Variants in IFNAR2 observed in about 807,000 individuals in gnomAD.
IFNAR2 encodes interferon alpha/beta receptor 2.
A neutral mutation model predicts 49.4 loss-of-function variants in IFNAR2; 30 were observed. That is an observed-to-expected ratio of 0.61 (90% CI 0.45 to 0.82). The LOEUF is 0.82. IFNAR2 is among the 40% of genes least tolerant of loss of function. The pLI, the probability that IFNAR2 is intolerant of heterozygous loss-of-function variation, is 0.00. For synonymous variants in IFNAR2, 224 were observed against 234.5 expected (o/e 0.96, Z 0.41); for missense variants, 600 against 622.7 (o/e 0.96, Z 0.39).
chr21:33,237,013 A>G (rs1986511314), intron 1 of IFNAR2: 1 of 422,828 alleles, frequency 2.4e-6, no homozygotes, highest in Non-Finnish European at 3.2e-6. Flanking sequence ...TATGGTTCCA[A>G]GTGAAGTATA....
At chr21:33,244,910 T>G (rs1479876911) in intron 3 of IFNAR2, 41 bp from the exon 4 acceptor site, 1 of 1,607,542 alleles carries the variant, frequency 6.2e-7, no homozygotes, top group Admixed American at 1.7e-5. Context: ...AATACAACTG[T>G]GGGTTCCAAA....
intron 6 of IFNAR2, chr21:33,252,313 C>T (rs1043687628): frequency 1.8e-6 from 1 of 547,424 alleles, no homozygotes; most frequent in Middle Eastern, 3.3e-4. Context: ...GGCACTTTCT[C>T]AAGTGTAAAG....
Position 33,245,096 on chromosome 21 carries a change from C to G in IFNAR2, c.221+22C>G, listed in dbSNP as rs758690328. 4 of 1,556,352 alleles carry G rather than the reference C, an allele frequency of 2.6e-6. No individual in the cohort carries two copies. The South Asian group carries it at 4.5e-5, about 17-fold the overall frequency. On this transcript the variant is annotated intron_variant, in intron 4 of 8. Coordinates refer to ENST00000342136, the MANE Select transcript of IFNAR2 (RefSeq NM_001289125.3). ...TGAGGTTGGTTTGATATTTCATTTTCTCTTGGTAAACATATTATTGTTCTG... is the reference window on the plus strand; with the variant it reads ...TGAGGTTGGTTTGATATTTCATTTTGTCTTGGTAAACATATTATTGTTCTG...
At chr21:33,232,654 T>TAAAAA (rs200638049) in intron 1 of IFNAR2, among the ~76,000 whole-genome samples, 1 of 144,400 alleles carries the variant, frequency 6.9e-6, no homozygotes, top group Admixed American at 6.9e-5. Context: ...CAGTCCTTGT[T>TAAAAA]AAAAAAAAAA....
intron 4 of IFNAR2, among the ~76,000 whole-genome samples, chr21:33,246,312 C>T (rs536484746): frequency 8.0e-4 from 122 of 152,224 alleles, no homozygotes; most frequent in South Asian, 1.9e-3. Context: ...CCTCGTGATC[C>T]GCCCGCCTTG....
chr21:33,235,770 C>CA (rs1449291816), intron 1 of IFNAR2, among the ~76,000 whole-genome samples: 2 of 151,932 alleles, frequency 1.3e-5, no homozygotes, highest in East Asian at 3.9e-4. Context: ...ACTAAAAATA[C>CA]AAAAAATTAG....
intron 1 of IFNAR2, among the ~76,000 whole-genome samples, chr21:33,233,813 GTATT>G (rs1986236469): frequency 1.3e-5 from 2 of 152,030 alleles, no homozygotes; most frequent in African/African-American, 2.4e-5. Flanking sequence ...GACTTGGTGA[GTATT>G]TATTCTATTT....
At chr21:33,238,021 A>T (rs1170847954) in intron 1 of IFNAR2, among the ~76,000 whole-genome samples, 1 of 152,146 alleles carries the variant, frequency 6.6e-6, no homozygotes, top group Non-Finnish European at 1.5e-5. Context: ...GCCTTTCTTT[A>T]TGGCCCAGGA....
intron 2 of IFNAR2, among the ~76,000 whole-genome samples, chr21:33,242,570 A>C (rs569711846): frequency 2.0e-5 from 3 of 151,302 alleles, no homozygotes; most frequent in Admixed American, 6.6e-5. Context: ...GTCTCTACTA[A>C]AAAATACAAA....
At chr21:33,235,906 GA>G (rs1823662260) in intron 1 of IFNAR2, among the ~76,000 whole-genome samples, 1 of 151,774 alleles carries the variant, frequency 6.6e-6, no homozygotes. Flanking sequence ...CAGCCTGGGG[GA>G]CAGAGTGAGA....
chr21:33,256,330 G>T (rs943456883), intron 7 of IFNAR2, among the ~76,000 whole-genome samples: 1 of 152,116 alleles, frequency 6.6e-6, no homozygotes, highest in Non-Finnish European at 1.5e-5. Context: ...GTCAAGTACC[G>T]CTCTCTTTAA....
At chr21:33,254,589 T>C (rs948090958) in intron 7 of IFNAR2, among the ~76,000 whole-genome samples, 1 of 152,218 alleles carries the variant, frequency 6.6e-6, no homozygotes, top group African/African-American at 2.4e-5. Flanking sequence ...TGAAGCCTGC[T>C]ACCAGAGGCT....
chr21:33,248,717 G>C lies in IFNAR2; in HGVS notation c.403G>C (p.Glu135Gln). 1.2e-6 allele frequency: 2 copies of C among 1,604,698 alleles called. No homozygotes were observed. The highest frequency in any genetic ancestry group is 1.7e-6 in the Non-Finnish European group (2 of 1,176,396). The change falls in exon 6 of 9, where the codon GAA becomes CAA. Residue 135 changes from glutamate to glutamine, a missense_variant. Transcript: ENST00000342136. ...NFWLAIDMSF[E>Q]PPEFEIVGFT... ...TTTTGTTTTTTGCACAGTGTCTTTT[G>C]AACCACCAGAGTTTGAGATTGTTGG...
Position 33,252,768 on chromosome 21 carries a change from A to T in IFNAR2, c.647A>T (p.Asp216Val). The change falls in exon 7 of 9, where the codon GAT becomes GTT. Residue 216 changes from aspartate (D) to valine (V), a missense_variant. Asp to Val is a radical substitution (Grantham distance 152). Coordinates refer to ENST00000342136, the MANE Select transcript of IFNAR2 (RefSeq NM_001289125.3). ...YCVSVYLEHS[D>V]EQAVIKSPLK... ...GTATCTGTTTATTTAGAGCACAGTG[A>T]TGAGCAAGCAGTAATAAAGTCTCCC... 2 of 1,613,928 alleles carry T rather than the reference A, an allele frequency of 1.2e-6. No individual in the cohort carries two copies. Among genetic ancestry groups the T allele is most frequent in the Non-Finnish European group, 1.7e-6 (2 of 1,179,800 alleles).
chr21:33,255,408 A>G (rs1601812648), intron 7 of IFNAR2, among the ~76,000 whole-genome samples: 2 of 152,200 alleles, frequency 1.3e-5, no homozygotes, highest in African/African-American at 4.8e-5. Context: ...CTTGGCTACA[A>G]ATTCAGGAGT....
At chr21:33,243,547 TGGCACAAGA>T in intron 2 of IFNAR2, 117 bp from the exon 3 acceptor site, 1 of 829,374 alleles carries the variant, frequency 1.2e-6, no homozygotes, top group Non-Finnish European at 2.0e-6. Flanking sequence ...GGCATTTTTT[TGGCACAAGA>T]AAAATCTCAA....
Position 33,260,596 on chromosome 21 carries a change from GA to G in IFNAR2, c.711del (p.Glu237AspfsTer8). On this transcript the variant is annotated frameshift_variant and splice_region_variant, in exon 8 of 9. Transcript: ENST00000342136. LOFTEE classifies it high-confidence loss of function. ...CTLLPPGQES[E>X]SAESAKIGGI... ...AAAGTCATTTAATTTTTCATCAACAGAATCAGCAGAATCTGCCAAAATAGGA... is the reference window on the plus strand; with the variant it reads ...AAAGTCATTTAATTTTTCATCAACAGATCAGCAGAATCTGCCAAAATAGGA... 1 of 1,575,638 alleles carries G rather than the reference GA, an allele frequency of 6.3e-7. No homozygotes were observed. Among genetic ancestry groups the G allele is most frequent in the Non-Finnish European group, 8.6e-7 (1 of 1,168,506 alleles).
chr21:33,247,826 G>A (rs1254377292), intron 5 of IFNAR2, among the ~76,000 whole-genome samples: 2 of 152,190 alleles, frequency 1.3e-5, no homozygotes, highest in South Asian at 2.1e-4. Flanking sequence ...TAGGCTATGC[G>A]GGTGTGCACG....
At chr21:33,246,603 A>G (rs758050981) in intron 4 of IFNAR2, 115 bp from the exon 5 acceptor site, 1 of 722,974 alleles carries the variant, frequency 1.4e-6, no homozygotes, top group Non-Finnish European at 2.3e-6. Context: ...AGATCACTTA[A>G]TACAATGATA....
Sources: allele counts gnomAD v4.1 joint callset (sites outside exome capture counted in the v4.1 genomes callset), GRCh38; gene constraint gnomAD v4.1.1; transcripts MANE v1.5; gene names NCBI Gene and HGNC (gene_info 2026-07-23, HGNC 2026-07-21).